The following FHIT variants were observed in gnomAD, a reference collection of about 807,000 sequenced individuals.
The protein encoded by FHIT is fragile histidine triad diadenosine triphosphatase.
In FHIT, 19 loss-of-function variants were observed where a neutral mutation model predicts 17.9. That is an observed-to-expected ratio of 1.06 (90% CI 0.74 to 1.56). The LOEUF is 1.56. FHIT is among the 40% of genes most tolerant of loss of function. The pLI is 0.00. For synonymous variants in FHIT, 81 were observed against 69.7 expected, an observed-to-expected ratio of 1.16 and a Z score of -0.81; for missense variants, 248 against 189.2, an observed-to-expected ratio of 1.31 and a Z score of -1.82.
intron 3 of FHIT, among the ~76,000 whole-genome samples, chr3:60,891,137 G>C (rs962098848): frequency 2.0e-5 from 3 of 152,176 alleles, no homozygotes; most frequent in Non-Finnish European, 2.9e-5. Context: ...AGAAAGGCCA[G>C]GGCAGTTCTA....
intron 5 of FHIT, among the ~76,000 whole-genome samples, chr3:60,148,716 C>A (rs1700340712): frequency 6.6e-6 from 1 of 152,160 alleles, no homozygotes; most frequent in African/African-American, 2.4e-5. Flanking sequence ...ATGTCTCTTG[C>A]AGAATTAAGA....
At chr3:60,187,347 C>T (rs1460217829) in intron 5 of FHIT, among the ~76,000 whole-genome samples, 1 of 152,120 alleles carries the variant, frequency 6.6e-6, no homozygotes, top group Non-Finnish European at 1.5e-5. Flanking sequence ...GTGGATGAGG[C>T]TGAAGTTTAG....
intron 4 of FHIT, among the ~76,000 whole-genome samples, chr3:60,778,049 T>C (rs1700265315): frequency 6.6e-6 from 1 of 152,210 alleles, no homozygotes; most frequent in Admixed American, 6.5e-5. Flanking sequence ...AACAGAATTA[T>C]TTGACATGTT....
chr3:60,180,845 G>T (rs1701898759), intron 5 of FHIT, among the ~76,000 whole-genome samples: 1 of 152,086 alleles, frequency 6.6e-6, no homozygotes, highest in African/African-American at 2.4e-5. Flanking sequence ...CAAGATTAAA[G>T]AATCAAGTAC....
rs186193196 is a variant in FHIT at position 60,407,761 on chromosome 3, C to T, written c.103+129099G>A. Among the ~76,000 whole-genome samples the T allele has an allele frequency of 6.2e-3, 939 of 152,258 alleles. 4 individuals carry two copies. Among genetic ancestry groups the T allele is most frequent in the Non-Finnish European group, 0.01 (698 of 68,004 alleles). The stretch of plus-strand genomic sequence containing the variant: ...CAAATTCCTGACCTCAAATGATCTG[C>T]CCACCTTGGGCTCCCAAAGTGTTGG... On this transcript the variant is annotated intron_variant, in intron 5 of 9. Coordinates refer to ENST00000492590, the MANE Select transcript of FHIT (RefSeq NM_002012.4).
intron 8 of FHIT, among the ~76,000 whole-genome samples, chr3:59,818,200 C>CT (rs1298934510): frequency 6.6e-6 from 1 of 152,156 alleles, no homozygotes; most frequent in Non-Finnish European, 1.5e-5. Context: ...CTGCCCTACT[C>CT]TAAGTACCCG....
chr3:60,367,915 T>C (rs907619137), intron 5 of FHIT, among the ~76,000 whole-genome samples: 2 of 152,214 alleles, frequency 1.3e-5, no homozygotes, highest in African/African-American at 4.8e-5. Flanking sequence ...ATGTACACTT[T>C]GGTGTTGAAC....
chr3:60,375,045 G>A (rs527377759), intron 5 of FHIT, among the ~76,000 whole-genome samples: 2 of 151,436 alleles, frequency 1.3e-5, no homozygotes, highest in Non-Finnish European at 2.9e-5. Flanking sequence ...ATGAGAAGAG[G>A]GAGAGAAAAA....
At chr3:61,165,330 T>C (rs1278310288) in intron 2 of FHIT, among the ~76,000 whole-genome samples, 1 of 152,184 alleles carries the variant, frequency 6.6e-6, no homozygotes, top group Non-Finnish European at 1.5e-5. Context: ...ATAATAGCCA[T>C]TCTGACAGTG....
intron 7 of FHIT, among the ~76,000 whole-genome samples, chr3:59,969,570 A>C (rs1209627018): frequency 6.6e-6 from 1 of 152,162 alleles, no homozygotes; most frequent in African/African-American, 2.4e-5. Flanking sequence ...CAAAACAAAC[A>C]AACAAACACT....
rs369166035 is a variant in FHIT, at chr3:59,895,370, C to A, written c.348+26976G>T. On this transcript the variant is annotated intron_variant, in intron 8 of 9. Coordinates refer to ENST00000492590, the MANE Select transcript of FHIT (RefSeq NM_002012.4). ...TATATTAATTTTTGTGGAGTGAATGCACTATAATAGCAGATATTAATGCAG... is the reference window on the plus strand; with the variant it reads ...TATATTAATTTTTGTGGAGTGAATGAACTATAATAGCAGATATTAATGCAG... 5.3e-5 allele frequency among the ~76,000 whole-genome samples: 8 copies of A among 152,312 alleles called. 1 individual carries two copies. Among genetic ancestry groups the A allele is most frequent in the African/African-American group, 1.9e-4 (8 of 41,582 alleles).
At chr3:60,661,896 G>C (rs1553691252) in intron 4 of FHIT, among the ~76,000 whole-genome samples, 1 of 152,002 alleles carries the variant, frequency 6.6e-6, no homozygotes, top group Non-Finnish European at 1.5e-5. Flanking sequence ...TTTTTGATGG[G>C]ATTGTTTGTT....
chr3:60,103,686 G>A (rs1180949757), intron 5 of FHIT, among the ~76,000 whole-genome samples: 4 of 152,096 alleles, frequency 2.6e-5, no homozygotes, highest in Admixed American at 2.6e-4. Context: ...AATCTTTATG[G>A]CTTGCTACGT....
In FHIT at chr3:60,024,052, A is replaced by G. The variant is rs549151827; in HGVS notation, c.104-9900T>C. ...GTAACATACCCAGCTAAAGGGATAG[A>G]AAAATAAATACAAACTGGTCTTTCC... is the stretch of plus-strand genomic sequence containing the variant. On this transcript the variant is annotated intron_variant, in intron 5 of 9. Coordinates refer to ENST00000492590, the MANE Select transcript of FHIT (RefSeq NM_002012.4). Among the ~76,000 whole-genome samples, 8 of 152,328 alleles carry G rather than the reference A, an allele frequency of 5.3e-5. No homozygotes were observed. The East Asian group carries it at 1.5e-3, about 29-fold the overall frequency.
chr3:60,353,658 G>T (rs1451923467), intron 5 of FHIT, among the ~76,000 whole-genome samples: 1 of 151,984 alleles, frequency 6.6e-6, no homozygotes, highest in Admixed American at 6.6e-5. Flanking sequence ...GCTTTTGTTA[G>T]AAAAAGTTAC....
At chr3:61,128,682 T>C (rs2036679491) in intron 2 of FHIT, among the ~76,000 whole-genome samples, 1 of 152,130 alleles carries the variant, frequency 6.6e-6, no homozygotes, top group Admixed American at 6.6e-5. Flanking sequence ...CTGTTACTAC[T>C]GGGATTTAAA....
At chr3:60,889,090 C>T (rs1211033544) in intron 3 of FHIT, among the ~76,000 whole-genome samples, 1 of 152,218 alleles carries the variant, frequency 6.6e-6, no homozygotes, top group African/African-American at 2.4e-5. Context: ...ATTCCGATCA[C>T]CTACTCCACC....
chr3:60,112,925 C>T (rs1704742357), intron 5 of FHIT, among the ~76,000 whole-genome samples: 1 of 152,224 alleles, frequency 6.6e-6, no homozygotes, highest in South Asian at 2.1e-4. Context: ...TGCTGACTCA[C>T]AGTCGAATAC....
At chr3:60,443,932 CA>C (rs2031122047) in intron 5 of FHIT, among the ~76,000 whole-genome samples, 1 of 152,028 alleles carries the variant, frequency 6.6e-6, no homozygotes, top group Non-Finnish European at 1.5e-5. Flanking sequence ...AAAATTTTTG[CA>C]ATCTACTCAT....
Sources: gnomAD v4.1 joint callset for allele counts (sites outside exome capture counted in the v4.1 genomes callset) on GRCh38, gnomAD v4.1.1 for gene constraint, MANE v1.5 for transcripts, NCBI Gene and HGNC (gene_info 2026-07-23, HGNC 2026-07-21) for gene names.